The following KCNIP4 variants were observed in gnomAD, a reference collection of about 807,000 sequenced individuals.
KCNIP4 encodes potassium voltage-gated channel interacting protein 4.
A neutral mutation model predicts 34.0 loss-of-function variants in KCNIP4; 12 were observed. The observed-to-expected ratio is 0.35, with a 90% CI of 0.23 to 0.57. KCNIP4 has a LOEUF of 0.57. Among genes scored for constraint, KCNIP4 ranks in the 20% least tolerant of loss-of-function variants. KCNIP4 has a pLI of 0.83. For missense variants in KCNIP4, 238 were observed against 311.7 expected (o/e 0.76, Z 1.78); for synonymous variants, 124 against 102.2 (o/e 1.21, Z -1.29).
chr4:21,473,274 T>TATATATA (rs1730619012), intron 1 of KCNIP4, among the ~76,000 whole-genome samples: 2 of 152,148 alleles, frequency 1.3e-5, no homozygotes, highest in Non-Finnish European at 2.9e-5. Context: ...AAATATATAT[T>TATATATA]TCTCAGTCAG....
At chr4:21,293,999 T>C (rs1036034910) in intron 1 of KCNIP4, among the ~76,000 whole-genome samples, 2 of 152,178 alleles carry the variant, frequency 1.3e-5, no homozygotes, top group African/African-American at 4.8e-5. Context: ...CTTCTAGTTA[T>C]ATGATCTTAG....
At chr4:20,999,894 A>G (rs1737947364) in intron 1 of KCNIP4, among the ~76,000 whole-genome samples, 1 of 152,202 alleles carries the variant, frequency 6.6e-6, no homozygotes, top group African/African-American at 2.4e-5. Context: ...GAAACAGAAC[A>G]TGCACGTTGC....
chr4:21,368,413 C>G (rs1250032441), intron 1 of KCNIP4, among the ~76,000 whole-genome samples: 3 of 147,018 alleles, frequency 2.0e-5, no homozygotes, highest in African/African-American at 8.2e-5. Flanking sequence ...ACATACACTC[C>G]CCCCAAAATA....
At chr4:21,527,418 A>ATC (rs1560487602) in intron 1 of KCNIP4, among the ~76,000 whole-genome samples, 1 of 152,156 alleles carries the variant, frequency 6.6e-6, no homozygotes, top group African/African-American at 2.4e-5. Flanking sequence ...CTCATGGAAG[A>ATC]TGTTGCAACA....
At chr4:21,824,418 C>A (rs1722552257) in intron 1 of KCNIP4, among the ~76,000 whole-genome samples, 1 of 152,132 alleles carries the variant, frequency 6.6e-6, no homozygotes, top group Admixed American at 6.5e-5. Context: ...TTGTTAAAAC[C>A]TAAGATTGGT....
intron 1 of KCNIP4, among the ~76,000 whole-genome samples, chr4:21,257,025 A>G (rs1761105052): frequency 6.6e-6 from 1 of 152,220 alleles, no homozygotes; most frequent in African/African-American, 2.4e-5. Flanking sequence ...CACAATCGCT[A>G]GAACAGTGCC....
At chr4:20,843,391 C>G (rs1450690490) in intron 3 of KCNIP4, among the ~76,000 whole-genome samples, 1 of 152,152 alleles carries the variant, frequency 6.6e-6, no homozygotes, top group Non-Finnish European at 1.5e-5. Flanking sequence ...ATTTCTAAAC[C>G]TCTGTATGAT....
At chr4:21,026,184 G>A (rs957287813) in intron 1 of KCNIP4, among the ~76,000 whole-genome samples, 12 of 152,186 alleles carry the variant, frequency 7.9e-5, no homozygotes, top group Non-Finnish European at 1.3e-4. Context: ...AGAGGAGACA[G>A]CAGAGACTGA....
chr4:21,145,948 T>A (rs1426212651), intron 1 of KCNIP4, among the ~76,000 whole-genome samples: 1 of 152,258 alleles, frequency 6.6e-6, no homozygotes, highest in Non-Finnish European at 1.5e-5. Context: ...ATTTCTTCTA[T>A]CTTTGTCCTT....
intron 1 of KCNIP4, among the ~76,000 whole-genome samples, chr4:21,540,058 CA>C (rs1207665830): frequency 6.7e-6 from 1 of 150,084 alleles, no homozygotes; most frequent in Non-Finnish European, 1.5e-5. Flanking sequence ...TAGGAGTGAA[CA>C]AAGTTTTATT....
chr4:21,878,133 T>A (rs1432771631), intron 1 of KCNIP4, among the ~76,000 whole-genome samples: 1 of 152,140 alleles, frequency 6.6e-6, no homozygotes, highest in East Asian at 1.9e-4. Flanking sequence ...CTGTAACCAG[T>A]GGTATGGTCT....
intron 1 of KCNIP4, among the ~76,000 whole-genome samples, chr4:21,268,273 T>A (rs569292643): frequency 6.6e-6 from 1 of 152,266 alleles, no homozygotes; most frequent in South Asian, 2.1e-4. Context: ...AATGACTCTT[T>A]GCATAATAAT....
At chr4:21,527,717 C>T (rs764669285) in intron 1 of KCNIP4, among the ~76,000 whole-genome samples, 44 of 152,210 alleles carry the variant, frequency 2.9e-4, no homozygotes, top group South Asian at 2.1e-4. Context: ...AACTCAACTA[C>T]GTCAGATTTA....
intron 1 of KCNIP4, among the ~76,000 whole-genome samples, chr4:21,817,199 A>T (rs1423092310): frequency 6.6e-6 from 1 of 152,130 alleles, no homozygotes; most frequent in Non-Finnish European, 1.5e-5. Flanking sequence ...CCCCAAATGG[A>T]GGGACCATCT....
chr4:21,475,000 CG>C (rs1335949410), intron 1 of KCNIP4, among the ~76,000 whole-genome samples: 20 of 105,660 alleles, frequency 1.9e-4, no homozygotes, highest in South Asian at 5.9e-4. Flanking sequence ...GACTCCATCT[CG>C]AAAAACAAAA....
In KCNIP4 at chr4:21,566,487, C is replaced by T. The variant is rs1174176510; in HGVS notation, c.61+382084G>A. Among the ~76,000 whole-genome samples the T allele has an allele frequency of 2.6e-5, 4 of 152,196 alleles. No individual in the cohort carries two copies. The South Asian group carries it at 8.3e-4, about 32-fold the overall frequency. On this transcript the variant is annotated intron_variant, in intron 1 of 8. Transcript: ENST00000382152. The stretch of plus-strand genomic sequence containing the variant: ...GCACCTCCCCCTTCGCTCTCTTCCT[C>T]CTGCTCCACCCATGTAAGACATGTC...
At chr4:21,741,535 C>T (rs975514542) in intron 1 of KCNIP4, among the ~76,000 whole-genome samples, 2 of 152,086 alleles carry the variant, frequency 1.3e-5, no homozygotes. Context: ...CCAGTGGAAC[C>T]CAGCATCATC....
chr4:21,204,999 C>T (rs1270524622), intron 1 of KCNIP4, among the ~76,000 whole-genome samples: 3 of 152,134 alleles, frequency 2.0e-5, no homozygotes, highest in African/African-American at 7.2e-5. Flanking sequence ...AAAAGTTCCA[C>T]TGGGAGGTAA....
intron 3 of KCNIP4, among the ~76,000 whole-genome samples, chr4:20,801,426 T>C (rs957614527): frequency 6.6e-6 from 1 of 152,162 alleles, no homozygotes; most frequent in African/African-American, 2.4e-5. Context: ...ATGTAAATTA[T>C]ACATCTGCTT....
Sources: gnomAD v4.1 joint callset for allele counts (sites outside exome capture counted in the v4.1 genomes callset) on GRCh38, gnomAD v4.1.1 for gene constraint, MANE v1.5 for transcripts, NCBI Gene and HGNC (gene_info 2026-07-23, HGNC 2026-07-21) for gene names.